The following ZC3HAV1 variants were observed in gnomAD, a reference collection of about 807,000 sequenced individuals.
ZC3HAV1 encodes zinc finger CCCH-type antiviral protein 1.
A neutral mutation model predicts 86.6 loss-of-function variants in ZC3HAV1; 41 were observed. The observed-to-expected ratio is 0.47, with a 90% CI of 0.37 to 0.61. ZC3HAV1 has a LOEUF of 0.61. ZC3HAV1 is among the 20% of genes least tolerant of loss of function. The probability of loss-of-function intolerance (pLI) is 0.00; values close to 1 mark genes in which losing one functional copy is unlikely to be tolerated. For synonymous variants in ZC3HAV1, 421 were observed against 432.1 expected (o/e 0.97, Z 0.32); for missense variants, 964 against 1,141.1 (o/e 0.84, Z 2.24).
intron 9 of ZC3HAV1, among the ~76,000 whole-genome samples, chr7:139,056,958 T>C (rs1470350554): frequency 6.6e-6 from 1 of 152,218 alleles, no homozygotes; most frequent in African/African-American, 2.4e-5. Flanking sequence ...TATTGTATTA[T>C]GTTTTTTAAA....
Position 139,073,900 on chromosome 7 carries a change from A to G in ZC3HAV1, c.1828T>C (p.Tyr610His). Residue 610 changes from tyrosine to histidine, a missense_variant, in exon 7 of 13, where the codon TAT becomes CAT. Transcript: ENST00000242351. ...NSVFTTKWIW[Y>H]WKNESGTWIQ... ...CATGTGCCAGATTCATTCTTCCAAT[A>G]CCAAATCCATTTGGTGGTGAAGACA... 1 of 1,613,804 alleles carries G rather than the reference A, an allele frequency of 6.2e-7. No homozygotes were observed.
At chr7:139,074,957 T>C (rs1431078979) in intron 6 of ZC3HAV1, among the ~76,000 whole-genome samples, 1 of 152,174 alleles carries the variant, frequency 6.6e-6, no homozygotes, top group Non-Finnish European at 1.5e-5. Context: ...AGTTTGAGAA[T>C]TGCTGCTCTA....
At chr7:139,067,905 T>C (rs1177862375) in intron 7 of ZC3HAV1, among the ~76,000 whole-genome samples, 5 of 151,988 alleles carry the variant, frequency 3.3e-5, no homozygotes, top group South Asian at 2.1e-4. Context: ...GGGAAGTTAA[T>C]TGGGTGGAGA....
intron 8 of ZC3HAV1, among the ~76,000 whole-genome samples, chr7:139,062,137 G>A (rs1379120691): frequency 6.6e-6 from 1 of 152,110 alleles, no homozygotes; most frequent in Admixed American, 6.5e-5. Context: ...GGGATTGATG[G>A]AAATGTTCTA....
intron 1 of ZC3HAV1, among the ~76,000 whole-genome samples, chr7:139,099,958 A>G (rs1817702434): frequency 6.6e-6 from 1 of 151,812 alleles, no homozygotes; most frequent in South Asian, 2.1e-4. Context: ...AAAAAAGTAA[A>G]TAAATAAAAT....
At chr7:139,049,023 G>T (rs77343259) in intron 12 of ZC3HAV1, among the ~76,000 whole-genome samples, 1 of 150,616 alleles carries the variant, frequency 6.6e-6, no homozygotes, top group South Asian at 2.1e-4. Context: ...TGGTTTACTT[G>T]TTCATAAATA....
Position 139,076,287 on chromosome 7 carries a change from G to C in ZC3HAV1, c.1696C>G (p.Leu566Val), listed in dbSNP as rs746180824. The stretch of plus-strand genomic sequence containing the variant: ...GCCAGAGTACAGCCACCAACTTACA[G>C]GTGGATTCCGGGGTTACAGTAGCCT... ...EKGYCNPGIHLCSVGSYTINF... is the reference protein window; with the variant it reads ...EKGYCNPGIHVCSVGSYTINF... Residue 566 changes from leucine to valine, a missense_variant and splice_region_variant, in exon 6 of 13, where the codon CTC becomes GTC. Physicochemically the swap from Leu to Val is conservative, Grantham distance 32. Transcript: ENST00000242351. 2 of 1,614,134 alleles carry C rather than the reference G, an allele frequency of 1.2e-6. No homozygotes were observed. Among genetic ancestry groups the C allele is most frequent in the Non-Finnish European group, 1.7e-6 (2 of 1,180,024 alleles).
chr7:139,059,608 C>G (rs1280143531), intron 9 of ZC3HAV1, among the ~76,000 whole-genome samples: 5 of 146,460 alleles, frequency 3.4e-5, no homozygotes, highest in African/African-American at 1.3e-4. Flanking sequence ...CAGAGTAAGA[C>G]TCTGTCAAAA....
intron 1 of ZC3HAV1, among the ~76,000 whole-genome samples, chr7:139,097,428 A>ATATATATTTTT: frequency 1.2e-4 from 6 of 48,156 alleles, no homozygotes; most frequent in African/African-American, 6.8e-4. Context: ...ATATATATAT[A>ATATATATTTTT]TTTTTTTTTT....
At chr7:139,096,866 C>T (rs1383016444) in intron 1 of ZC3HAV1, among the ~76,000 whole-genome samples, 1 of 152,138 alleles carries the variant, frequency 6.6e-6, no homozygotes, top group Non-Finnish European at 1.5e-5. Context: ...GGCGCAGTGG[C>T]TTACATCTGT....
At chr7:139,088,361 C>A (rs1409387838) in intron 2 of ZC3HAV1, among the ~76,000 whole-genome samples, 2 of 152,222 alleles carry the variant, frequency 1.3e-5, no homozygotes, top group Non-Finnish European at 2.9e-5. Context: ...GACTCCCTTT[C>A]AGCTAAGTGT....
At chr7:139,092,244 C>T (rs912100800) in intron 1 of ZC3HAV1, among the ~76,000 whole-genome samples, 7 of 152,082 alleles carry the variant, frequency 4.6e-5, no homozygotes, top group Non-Finnish European at 8.8e-5. Flanking sequence ...CTTGGATGTG[C>T]TGGGAGTCAG....
chr7:139,079,053 C>G (rs1817041807), intron 4 of ZC3HAV1: 4 of 1,530,396 alleles, frequency 2.6e-6, no homozygotes, highest in Non-Finnish European at 2.6e-6. Context: ...GCCATAGCCA[C>G]TCTGCTGCAG....
At position 139,047,492 on chromosome 7, in the gene ZC3HAV1, CT is replaced by C; in HGVS notation, c.*101del. ...ACCACTGATCTAAGACATTAGATAA[CT>C]GAGCAGGAAAATATAAAACTTTAAC... On this transcript the variant is annotated 3_prime_UTR_variant, in exon 13 of 13. Transcript: ENST00000242351. 6.6e-7 allele frequency: 1 copy of C among 1,520,634 alleles called. No homozygotes were observed. The highest frequency in any genetic ancestry group is 8.9e-7 in the Non-Finnish European group (1 of 1,120,964). The allele number at this position is 1,520,634 out of a possible 1,614,324, so 94.2% of individuals were successfully genotyped here. A position where few individuals can be genotyped will look rare whatever the true frequency, so the allele number is the denominator to read the frequency against.
intron 1 of ZC3HAV1, among the ~76,000 whole-genome samples, chr7:139,099,186 T>C (rs1005420525): frequency 2.0e-5 from 3 of 151,514 alleles, no homozygotes; most frequent in African/African-American, 7.3e-5. Flanking sequence ...ATTTGAGATG[T>C]AGTGTTTGTG....
intron 1 of ZC3HAV1, among the ~76,000 whole-genome samples, chr7:139,104,721 C>CAAAAAA (rs1157897700): frequency 3.6e-4 from 7 of 19,252 alleles, no homozygotes; most frequent in Non-Finnish European, 5.5e-4. Context: ...GACTCTGTCA[C>CAAAAAA]AAAAAAAAAA....
chr7:139,052,742 C>A (rs996747706), intron 12 of ZC3HAV1, among the ~76,000 whole-genome samples: 4 of 149,132 alleles, frequency 2.7e-5, no homozygotes, highest in Non-Finnish European at 3.0e-5. Flanking sequence ...GGCAACATGG[C>A]GAAACCCTGT....
At chr7:139,051,648 T>C (rs949506477) in intron 12 of ZC3HAV1, among the ~76,000 whole-genome samples, 17 of 152,148 alleles carry the variant, frequency 1.1e-4, no homozygotes, top group African/African-American at 4.1e-4. Flanking sequence ...GGTCTCCAAC[T>C]CCTGGGCTCA....
chr7:139,088,885 T>C (rs762484410), intron 2 of ZC3HAV1, among the ~76,000 whole-genome samples: 24 of 152,078 alleles, frequency 1.6e-4, no homozygotes, highest in Non-Finnish European at 2.5e-4. Context: ...GGCAGATCAC[T>C]TGAGGTCGGG....
Sources: allele counts gnomAD v4.1 joint callset (sites outside exome capture counted in the v4.1 genomes callset), GRCh38; gene constraint gnomAD v4.1.1; transcripts MANE v1.5; gene names NCBI Gene and HGNC (gene_info 2026-07-23, HGNC 2026-07-21).